Variants in DOCK6 observed in about 807,000 individuals in gnomAD.
The protein encoded by DOCK6 is dedicator of cytokinesis protein 6.
DOCK6 carries 167 observed loss-of-function variants against 230.3 expected under a neutral mutation model. That is an observed-to-expected ratio of 0.73 (90% CI 0.64 to 0.82). DOCK6 has a LOEUF of 0.82. Ranked by LOEUF, DOCK6 falls within the 40% of genes least tolerant of loss-of-function variation. DOCK6 has a pLI of 0.00. For synonymous variants in DOCK6, 1,148 were observed against 1,185.0 expected, an observed-to-expected ratio of 0.97 and a Z score of 0.64; for missense variants, 2,598 against 2,825.8, an observed-to-expected ratio of 0.92 and a Z score of 1.83.
chr19:11,235,618 G>C lies in DOCK6; in HGVS notation c.2534C>G (p.Thr845Ser), dbSNP rs944446829. The change falls in exon 21 of 48, where the codon ACT (threonine) becomes AGT (serine). Residue 845 changes from threonine (T) to serine (S), a missense_variant. By Grantham distance (58) the Thr-to-Ser change is moderately conservative. Coordinates refer to ENST00000294618, the MANE Select transcript of DOCK6 (RefSeq NM_020812.4). ...YVHYAFRLPG[T>S]EPSLPDGAPP... is the part of the protein sequence containing the mutation. Reference sequence around the variant, plus strand: ...CTCACCATCCGGGAGGCTGGGCTCAGTGCCAGGAAGGCGAAAGGCGTAGTG... The same window carrying C: ...CTCACCATCCGGGAGGCTGGGCTCACTGCCAGGAAGGCGAAAGGCGTAGTG... 2 of 1,598,866 alleles carry C rather than the reference G, an allele frequency of 1.3e-6. No homozygotes were observed. The highest frequency in any genetic ancestry group is 1.7e-6 in the Non-Finnish European group (2 of 1,171,250).
intron 1 of DOCK6, among the ~76,000 whole-genome samples, chr19:11,260,707 A>AC (rs931690643): frequency 7.3e-5 from 11 of 151,374 alleles, no homozygotes; most frequent in African/African-American, 2.7e-4. Flanking sequence ...ACATGGTGAA[A>AC]CCCCCTCTCT....
chr19:11,239,367 C>G (rs1159373235), intron 14 of DOCK6, among the ~76,000 whole-genome samples: 1 of 152,188 alleles, frequency 6.6e-6, no homozygotes, highest in Non-Finnish European at 1.5e-5. Flanking sequence ...GAAACAGGCT[C>G]AGCATGGTGA....
chr19:11,261,423 G>C (rs1175568483), intron 1 of DOCK6, among the ~76,000 whole-genome samples: 1 of 142,832 alleles, frequency 7.0e-6, no homozygotes, highest in African/African-American at 2.6e-5. Context: ...TCAGGCTTCT[G>C]GTCTCTCTCC....
At chr19:11,227,631 G>A (rs1268183729) in intron 23 of DOCK6, among the ~76,000 whole-genome samples, 154 bp from the exon 24 acceptor site, 1 of 151,020 alleles carries the variant, frequency 6.6e-6, no homozygotes, top group Non-Finnish European at 1.5e-5. Context: ...TGACAGGAGG[G>A]GCGGGGCTTT....
In DOCK6 at chr19:11,215,973, C is replaced by T. The variant is rs202117488; in HGVS notation, c.3895-46G>A. 157 of 1,610,258 alleles carry T rather than the reference C, an allele frequency of 9.7e-5. No homozygotes were observed. The African/African-American group carries it at 1.4e-3, about 15-fold the overall frequency. ...GGTTCCAGGCTGACTCTGCTCTTTT[C>T]GGGGGGACCTGGGCTGGCCCCATCC... On this transcript the variant is annotated intron_variant, in intron 30 of 47. Transcript: ENST00000294618.
At position 11,202,555 on chromosome 19, in the gene DOCK6, C is replaced by T. The variant is rs767746909; in HGVS notation, c.5361+29G>A. 1 of 1,613,944 alleles carries T rather than the reference C, an allele frequency of 6.2e-7. No individual in the cohort carries two copies. Among genetic ancestry groups the T allele is most frequent in the East Asian group, 2.2e-5 (1 of 44,882 alleles). ...TCCAGCCCCAAGGCAGCCCCATGCCCCGTTCCACCCCCAACCACAAGGACG... is the reference window on the plus strand; with the variant it reads ...TCCAGCCCCAAGGCAGCCCCATGCCTCGTTCCACCCCCAACCACAAGGACG... On this transcript the variant is annotated intron_variant, in intron 42 of 47. Transcript: ENST00000294618. The surrounding 1 kb of genome is among the most constrained non-coding windows in gnomAD (Gnocchi z 5.3).
intron 14 of DOCK6, among the ~76,000 whole-genome samples, chr19:11,240,839 G>T (rs2079932535): frequency 6.6e-6 from 1 of 151,704 alleles, no homozygotes; most frequent in Non-Finnish European, 1.5e-5. Context: ...CAAAGTGCTG[G>T]GATTACAGGT....
Position 11,209,073 on chromosome 19 carries a change from G to C in DOCK6, c.4782C>G (p.Asp1594Glu). The C allele has an allele frequency of 3.1e-6, 5 of 1,612,308 alleles. No individual in the cohort carries two copies. The highest frequency in any genetic ancestry group is 4.2e-6 in the Non-Finnish European group (5 of 1,179,472). The stretch of plus-strand genomic sequence containing the variant: ...TGTTCTGCAACCAGGTCAGCCGAAG[G>C]TCCGGTGAGCCCTGGTAGCCCCGGG... The part of the protein sequence containing the change: ...RIARGYQGSP[D>E]LRLTWLQNMA... Residue 1594 changes from aspartate to glutamate, a missense_variant, in exon 38 of 48, where the codon GAC becomes GAG. By Grantham distance (45) the Asp-to-Glu change is conservative. Transcript: ENST00000294618.
At chr19:11,214,515 G>T (rs746827337) in intron 33 of DOCK6, 38 bp downstream of exon 33, 2 of 1,613,392 alleles carry the variant, frequency 1.2e-6, no homozygotes, top group Admixed American at 3.3e-5. Flanking sequence ...ACTGCAGTTG[G>T]GCTCAGAGCA....
Position 11,243,585 on chromosome 19 carries a change from C to T in DOCK6, c.1230G>A (p.Gln410=). 6.2e-7 allele frequency: 1 copy of T among 1,608,468 alleles called. No individual in the cohort carries two copies. The highest frequency in any genetic ancestry group is 8.5e-7 in the Non-Finnish European group (1 of 1,178,216). ...HLANIVSSAG[Q]LDRDSDSEGE... ...CCTCCGAGTCAGAGTCCCGGTCCAG[C>T]TGCCCAGCGCTGCTCACGATGTTGG... The change falls in exon 11 of 48, where the codon CAG becomes CAA. Residue 410 remains glutamine (Q), a synonymous_variant. Coordinates refer to ENST00000294618, the MANE Select transcript of DOCK6 (RefSeq NM_020812.4). This position sits in a 1 kb window ranked among gnomAD's most constrained non-coding sequence, Gnocchi z 6.3.
Position 11,252,297 on chromosome 19 carries a change from G to A in DOCK6, c.378-49C>T, listed in dbSNP as rs185306237. The A allele has an allele frequency of 2.6e-6, 4 of 1,567,062 alleles. No homozygotes were observed. In the East Asian group the frequency reaches 9.3e-5, roughly 37 times the overall value. On this transcript the variant is annotated intron_variant, in intron 4 of 47. Transcript: ENST00000294618. The stretch of plus-strand genomic sequence containing the variant: ...GGTAGGGAGGGCTGAGGGCCCCCAG[G>A]GGGTCCCCAGTGTGTTCTGACACAC...
chr19:11,252,614 T>C, intron 3 of DOCK6, 64 bp from the exon 4 acceptor site: 1 of 1,595,962 alleles, frequency 6.3e-7, no homozygotes, highest in Non-Finnish European at 8.6e-7. Context: ...TGCTAGCCTG[T>C]AAGGTTAGCA....
intron 35 of DOCK6, among the ~76,000 whole-genome samples, chr19:11,212,444 G>T (rs1262360455): frequency 2.0e-5 from 3 of 151,966 alleles, no homozygotes; most frequent in African/African-American, 7.3e-5. Context: ...GTTTCACTGT[G>T]TTGGCTATGC....
chr19:11,240,068 A>C (rs1051052110), intron 14 of DOCK6: 5 of 1,548,818 alleles, frequency 3.2e-6, no homozygotes, highest in African/African-American at 1.4e-5. Flanking sequence ...CGATAAACTC[A>C]GGCAAGTCCT....
At chr19:11,245,447 C>T in intron 9 of DOCK6, 116 bp downstream of exon 9, 1 of 1,164,780 alleles carries the variant, frequency 8.6e-7, no homozygotes, top group Non-Finnish European at 1.2e-6. Flanking sequence ...CCTGTGTTTC[C>T]CCCACAACAG....
intron 7 of DOCK6, 82 bp from the exon 8 acceptor site, chr19:11,245,960 G>T (rs770528515): frequency 1.7e-4 from 254 of 1,495,524 alleles, no homozygotes; most frequent in Non-Finnish European, 2.3e-4. Context: ...GGCCCAAGGT[G>T]GGGGGCATCT....
intron 39 of DOCK6, among the ~76,000 whole-genome samples, chr19:11,207,929 TC>T (rs1342338178): frequency 6.6e-6 from 1 of 151,464 alleles, no homozygotes; most frequent in Non-Finnish European, 1.5e-5. Context: ...AGGTCCTGTC[TC>T]AAAAAATATC....
intron 21 of DOCK6, among the ~76,000 whole-genome samples, chr19:11,234,439 A>AT (rs1395487520): frequency 6.6e-6 from 1 of 151,690 alleles, no homozygotes; most frequent in East Asian, 1.9e-4. Context: ...AAAAAAAAAA[A>AT]GAAGAAAAAA....
rs746304989 is a variant in DOCK6 at position 11,251,073 on chromosome 19, C to T, written c.521G>A (p.Arg174His). ...SGPEDSNDSR[R>H]GSGSPEDTPR... ...GGTGTCTTCCGGGGAGCCCGAGCCA[C>T]GCCGGGAGTCATTCTGCCAGTGGAG... Residue 174 changes from arginine (R) to histidine (H), a missense_variant, in exon 6 of 48, where the codon CGT becomes CAT. Transcript: ENST00000294618. 1.1e-5 allele frequency: 17 copies of T among 1,611,134 alleles called. No individual in the cohort carries two copies. Among genetic ancestry groups the T allele is most frequent in the East Asian group, 6.7e-5 (3 of 44,810 alleles).
Sources: allele counts gnomAD v4.1 joint callset (sites outside exome capture counted in the v4.1 genomes callset), GRCh38; gene constraint gnomAD v4.1.1; non-coding constraint Gnocchi (gnomAD v3.1); transcripts MANE v1.5; gene names NCBI Gene and HGNC (gene_info 2026-07-23, HGNC 2026-07-21).